Variants in RNF38 observed in about 807,000 individuals in gnomAD.
RNF38 encodes the protein E3 ubiquitin-protein ligase RNF38.
A neutral mutation model predicts 67.2 loss-of-function variants in RNF38; 15 were observed. The observed-to-expected ratio is 0.22, with a 90% CI of 0.15 to 0.34. RNF38 has a LOEUF of 0.34. RNF38 is among the 10% of genes least tolerant of loss of function. The pLI, the probability that RNF38 is intolerant of heterozygous loss-of-function variation, is 1.00. For missense variants in RNF38, 524 were observed against 639.9 expected, an observed-to-expected ratio of 0.82 and a Z score of 1.95; for synonymous variants, 220 against 218.8, an observed-to-expected ratio of 1.01 and a Z score of -0.05.
chr9:36,345,561 C>T (rs1288731688), intron 9 of RNF38, among the ~76,000 whole-genome samples: 1 of 152,140 alleles, frequency 6.6e-6, no homozygotes, highest in East Asian at 1.9e-4. Context: ...CAAATATCCC[C>T]TAGGGGACAA....
chr9:36,482,964 A>G (rs1013019910), intron 1 of RNF38, among the ~76,000 whole-genome samples: 3 of 152,234 alleles, frequency 2.0e-5, no homozygotes, highest in Non-Finnish European at 2.9e-5. Flanking sequence ...CTCTGAGTGC[A>G]CACAGTTCCA....
upstream of RNF38, among the ~76,000 whole-genome samples, chr9:36,405,727 A>C (rs1424716350): frequency 6.7e-6 from 1 of 149,280 alleles, no homozygotes; most frequent in East Asian, 1.9e-4. Flanking sequence ...AACAACTGTA[A>C]TCTTAGGATA....
At chr9:36,433,929 A>G (rs1236272074) in intron 1 of RNF38, among the ~76,000 whole-genome samples, 1 of 151,758 alleles carries the variant, frequency 6.6e-6, no homozygotes, top group East Asian at 2.0e-4. Flanking sequence ...CAGTTAACTG[A>G]CTCAGTGAAA....
At chr9:36,429,427 C>G (rs1420155931) in intron 1 of RNF38, among the ~76,000 whole-genome samples, 1 of 152,162 alleles carries the variant, frequency 6.6e-6, no homozygotes, top group Non-Finnish European at 1.5e-5. Context: ...TTGCATAAAA[C>G]CTATGTAAAT....
intron 1 of RNF38, among the ~76,000 whole-genome samples, chr9:36,453,603 T>C (rs1413014630): frequency 6.6e-6 from 1 of 152,082 alleles, no homozygotes; most frequent in East Asian, 1.9e-4. Context: ...AAGCTGGTCT[T>C]GAACTCTTGA....
At chr9:36,345,357 G>A (rs188612077) in intron 9 of RNF38, among the ~76,000 whole-genome samples, 335 of 152,192 alleles carry the variant, frequency 2.2e-3, no homozygotes, top group African/African-American at 7.8e-3. Flanking sequence ...CTGAAAGATG[G>A]TATCATTTCA....
At chr9:36,381,654 C>T (rs1018118822) in intron 2 of RNF38, among the ~76,000 whole-genome samples, 7 of 152,208 alleles carry the variant, frequency 4.6e-5, no homozygotes, top group South Asian at 2.1e-4. Context: ...ACTCTATAAA[C>T]CAACTGCAAA....
intron 2 of RNF38, among the ~76,000 whole-genome samples, chr9:36,413,776 G>C (rs1484303420): frequency 6.6e-6 from 1 of 152,192 alleles, no homozygotes; most frequent in African/African-American, 2.4e-5. Flanking sequence ...TTGTTGTATA[G>C]TTCAAGCCCA....
At chr9:36,390,152 CT>C (rs1373875383) in intron 2 of RNF38, among the ~76,000 whole-genome samples, 1 of 152,164 alleles carries the variant, frequency 6.6e-6, no homozygotes, top group Non-Finnish European at 1.5e-5. Flanking sequence ...TCCTACACAA[CT>C]TCATATATTC....
chr9:36,463,602 A>G (rs140154324), intron 1 of RNF38, among the ~76,000 whole-genome samples: 123 of 152,342 alleles, frequency 8.1e-4, no homozygotes, highest in African/African-American at 2.8e-3. Flanking sequence ...ATCATTTGTA[A>G]TAATGCAAAG....
intron 2 of RNF38, among the ~76,000 whole-genome samples, chr9:36,410,571 AATGGCTAGCAAGATCAACTTCTTG>A (rs1838297800): frequency 1.3e-5 from 2 of 152,166 alleles, no homozygotes; most frequent in East Asian, 3.9e-4. Context: ...ACAACATGGA[AATGGCTAGCAAGATCAACTTCTTG>A]ATGTAAAAGA....
intron 1 of RNF38, among the ~76,000 whole-genome samples, chr9:36,449,677 C>T (rs759358444): frequency 3.9e-5 from 6 of 152,032 alleles, no homozygotes; most frequent in Admixed American, 2.0e-4. Flanking sequence ...TCTTGTGATC[C>T]GCCCACCTCG....
upstream of RNF38, among the ~76,000 whole-genome samples, chr9:36,405,443 G>C (rs747994545): frequency 2.0e-5 from 3 of 152,128 alleles, no homozygotes; most frequent in Non-Finnish European, 4.4e-5. Context: ...GGTTGATTTG[G>C]TTTGTTTAGA....
chr9:36,466,677 C>T (rs948669485), intron 1 of RNF38, among the ~76,000 whole-genome samples: 1 of 152,078 alleles, frequency 6.6e-6, no homozygotes, highest in East Asian at 1.9e-4. Context: ...AGTTTCAGAA[C>T]AATATATATA....
At chr9:36,469,086 T>C (rs116920362) in intron 1 of RNF38, among the ~76,000 whole-genome samples, 460 of 152,260 alleles carry the variant, frequency 3.0e-3, no homozygotes, top group Non-Finnish European at 4.9e-3. Flanking sequence ...GACTCTGGCC[T>C]GGGCGACAGA....
chr9:36,410,683 C>T (rs191117746), intron 2 of RNF38, among the ~76,000 whole-genome samples: 164 of 152,336 alleles, frequency 1.1e-3, no homozygotes, highest in Admixed American at 2.5e-3. Flanking sequence ...CAGTTTTTGT[C>T]TCTATCTCTT....
intron 1 of RNF38, among the ~76,000 whole-genome samples, chr9:36,395,779 T>C (rs996643336): frequency 2.0e-5 from 3 of 152,130 alleles, no homozygotes; most frequent in Non-Finnish European, 4.4e-5. Flanking sequence ...ATAGCGACAA[T>C]TTAAAAGGTA....
chr9:36,434,106 C>T (rs956292894), intron 1 of RNF38, among the ~76,000 whole-genome samples: 1 of 150,638 alleles, frequency 6.6e-6, no homozygotes, highest in Admixed American at 6.6e-5. Flanking sequence ...TGTGGTGGCA[C>T]GCGCCCATAA....
chr9:36,420,589 C>T (rs960804472), intron 2 of RNF38, among the ~76,000 whole-genome samples: 9 of 150,206 alleles, frequency 6.0e-5, no homozygotes, highest in African/African-American at 2.2e-4. Context: ...CCCTTCCCTG[C>T]TTTCTTATTC....
Sources: gnomAD v4.1 joint callset for allele counts (sites outside exome capture counted in the v4.1 genomes callset) on GRCh38, gnomAD v4.1.1 for gene constraint, MANE v1.5 for transcripts, NCBI Gene and HGNC (gene_info 2026-07-23, HGNC 2026-07-21) for gene names.